PROSER3: variants seen among roughly 807,000 people sequenced by gnomAD.
The protein encoded by PROSER3 is proline and serine rich 3, also known as proline and serine-rich protein 3.
In PROSER3, 33 loss-of-function variants were observed where a neutral mutation model predicts 50.2. The ratio of observed to expected loss-of-function variants is 0.66; its 90% CI spans 0.50 to 0.88. The LOEUF (loss-of-function observed/expected upper bound fraction) is 0.88. Among genes scored for constraint, PROSER3 ranks in the 40% least tolerant of loss-of-function variants. The pLI is 0.00. For missense variants in PROSER3, 623 were observed against 612.7 expected (o/e 1.02, Z -0.18); for synonymous variants, 266 against 259.3 (o/e 1.03, Z -0.25).
intron 5 of PROSER3, among the ~76,000 whole-genome samples, chr19:35,764,529 G>A (rs1180084753): frequency 6.6e-6 from 1 of 152,138 alleles, no homozygotes; most frequent in Non-Finnish European, 1.5e-5. Flanking sequence ...GGTGGCGCAT[G>A]CCTGTAATCC....
intron 7 of PROSER3, among the ~76,000 whole-genome samples, chr19:35,766,392 A>T (rs1219414904): frequency 1.3e-5 from 2 of 152,102 alleles, no homozygotes; most frequent in African/African-American, 4.8e-5. Context: ...ACAAAAAAAT[A>T]AAAATTACCC....
At chr19:35,767,115 A>C in intron 8 of PROSER3, 1 of 969,840 alleles carries the variant, frequency 1.0e-6, no homozygotes, top group Non-Finnish European at 1.5e-6. Flanking sequence ...CTGGGGACCC[A>C]GCCTAACCAT....
At chr19:35,767,266 GCCTTGGGTATC>G (rs1386273488) in intron 8 of PROSER3, 5 of 353,036 alleles carry the variant, frequency 1.4e-5, no homozygotes, top group Non-Finnish European at 2.6e-5. Context: ...CACAGTCTGG[GCCTTGGGTATC>G]CCTTGGGGCT....
chr19:35,767,795 C>G, intron 8 of PROSER3: 1 of 1,606,668 alleles, frequency 6.2e-7, no homozygotes, highest in Non-Finnish European at 8.5e-7. Flanking sequence ...ATCCCAGTGT[C>G]GGGCCAAGGC....
At position 35,762,056 on chromosome 19, in the gene PROSER3, C is replaced by T. The variant is rs766872406; in HGVS notation, c.349C>T (p.Arg117Ter). The T allele has an allele frequency of 7.4e-6, 12 of 1,610,738 alleles. No homozygotes were observed. The highest frequency in any genetic ancestry group is 1.0e-5 in the Non-Finnish European group (12 of 1,177,558). Reference sequence around the variant, plus strand: ...GTTCCGCCAGGCTCAGCCCACCAGTCGAGAGGAGCGCCAGCCTGCAGGCCC... The same window carrying T: ...GTTCCGCCAGGCTCAGCCCACCAGTTGAGAGGAGCGCCAGCCTGCAGGCCC... The change falls in exon 4 of 11, where the codon CGA becomes TGA. Residue 117 changes from arginine (R) to a stop codon, truncating the protein, a stop_gained. Transcript: ENST00000396908. LOFTEE classifies it high-confidence loss of function.
At chr19:35,759,219 C>T in intron 1 of PROSER3, 155 bp from the exon 2 acceptor site, 3 of 655,968 alleles carry the variant, frequency 4.6e-6, no homozygotes, top group South Asian at 1.9e-5. Context: ...CTTCCACTGT[C>T]GATATCCTGA....
chr19:35,759,543 CAT>C lies in PROSER3; in HGVS notation c.108+74_108+75del, dbSNP rs1025649019. On this transcript the variant is annotated intron_variant, in intron 2 of 10. Transcript: ENST00000396908. The stretch of plus-strand genomic sequence containing the variant: ...GAATGACCTTTAGAGGGTAGGAAGA[CAT>C]GTGATGAGAGATAGGGATGAGAGAT... The C allele has an allele frequency of 5.1e-6, 7 of 1,360,244 alleles. No homozygotes were observed. The Admixed American group carries it at 8.0e-5, about 16-fold the overall frequency. 84.3% of individuals were successfully genotyped at this position (1,360,244 alleles called of 1,614,324 possible). A position where few individuals can be genotyped will look rare whatever the true frequency, so the allele number is the denominator to read the frequency against.
Position 35,767,739 on chromosome 19 carries a change from T to C in PROSER3, c.958-65T>C. 4 of 1,548,264 alleles carry C rather than the reference T, an allele frequency of 2.6e-6. No homozygotes were observed. The South Asian group carries it at 3.7e-5, about 14-fold the overall frequency. On this transcript the variant is annotated intron_variant, in intron 8 of 10. Transcript: ENST00000396908. ...CCACCCAAGGCTGGATCTCCGAAAGTCCAGGCCACACAACCCCAAACCAAG... is the reference window on the plus strand; with the variant it reads ...CCACCCAAGGCTGGATCTCCGAAAGCCCAGGCCACACAACCCCAAACCAAG...
At chr19:35,760,778 C>G (rs1190342609) in intron 3 of PROSER3, among the ~76,000 whole-genome samples, 5 of 152,196 alleles carry the variant, frequency 3.3e-5, no homozygotes, top group African/African-American at 1.2e-4. Flanking sequence ...TGAGCCACTG[C>G]CAGGCCTAAA....
Position 35,768,229 on chromosome 19 carries a change from C to T in PROSER3, c.1294C>T (p.Gln432Ter), listed in dbSNP as rs767350506. The T allele has an allele frequency of 9.3e-6, 15 of 1,612,196 alleles. No homozygotes were observed. Among genetic ancestry groups the T allele is most frequent in the Non-Finnish European group, 1.3e-5 (15 of 1,179,004 alleles). Residue 432 changes from glutamine (Q) to a stop codon, truncating the protein, a stop_gained, in exon 10 of 11, where the codon CAG becomes TAG. Transcript: ENST00000396908. LOFTEE classifies it low-confidence loss of function (END_TRUNC). ...AGCCCATAGGGCAGAGCTGAGTCGG[C>T]AGAAAAGGTGACCGACCCTCCATCC...
chr19:35,765,137 A>G, exon 7 of PROSER3: 2 of 1,613,714 alleles, frequency 1.2e-6, no homozygotes, highest in Non-Finnish European at 1.7e-6. Context: ...GGAGACCTTC[A>G]TCCCTGACTC....
chr19:35,770,914 G>A (rs1176975360), downstream of PROSER3: 1 of 152,070 alleles, frequency 6.6e-6, no homozygotes, highest in African/African-American at 2.4e-5. Flanking sequence ...TTGCCATGCT[G>A]GGGAGGGGTT....
chr19:35,759,421 T>A (rs1970880228), exon 2 of PROSER3: 39 of 1,613,556 alleles, frequency 2.4e-5, no homozygotes, highest in Non-Finnish European at 3.1e-5. Flanking sequence ...GATGCGCCCC[T>A]GGGTCGAAGC....
At position 35,759,232 on chromosome 19, in the gene PROSER3, G is replaced by A. The variant is rs971310727; in HGVS notation, c.12-142G>A. ...CCCTTCCACTGTCGATATCCTGAAT[G>A]TGCAACGGTGCTTCATGGAAATGAC... On this transcript the variant is annotated intron_variant, in intron 1 of 10. Transcript: ENST00000396908. 1.7e-4 allele frequency: 115 copies of A among 695,134 alleles called. 2 individuals are homozygous for A. In the Admixed American group the frequency reaches 2.4e-3, roughly 15 times the overall value. 43.1% of individuals were successfully genotyped at this position (695,134 alleles called of 1,614,324 possible).
At chr19:35,758,365 C>A in intron 1 of PROSER3, 139 bp downstream of exon 1, 1 of 1,197,954 alleles carries the variant, frequency 8.3e-7, no homozygotes, top group South Asian at 1.7e-5. Context: ...CCAACATGCT[C>A]CACAGCCGTT....
exon 4 of PROSER3, chr19:35,762,114 A>C: frequency 1.2e-6 from 2 of 1,607,210 alleles, no homozygotes; most frequent in Non-Finnish European, 1.7e-6. Context: ...CTGCAGTCTG[A>C]CTCTCCAGAC....
exon 11 of PROSER3, chr19:35,768,689 G>A: frequency 9.9e-7 from 1 of 1,009,762 alleles, no homozygotes; most frequent in Non-Finnish European, 1.4e-6. Context: ...GCTGCCCCAT[G>A]GCTCTGCCCT....
chr19:35,759,709 T>G (rs1030504032), intron 2 of PROSER3, 80 bp from the exon 3 acceptor site: 3 of 1,340,140 alleles, frequency 2.2e-6, no homozygotes, highest in Admixed American at 4.1e-5. Flanking sequence ...GACTGAGACT[T>G]TGTGTGTGTC....
intron 8 of PROSER3, chr19:35,767,777 C>T: frequency 6.3e-7 from 1 of 1,597,202 alleles, no homozygotes. Context: ...CACTCCCCCT[C>T]CATCTGAATC....
Sources: allele counts gnomAD v4.1 joint callset (sites outside exome capture counted in the v4.1 genomes callset), GRCh38; gene constraint gnomAD v4.1.1; transcripts MANE v1.5; gene names NCBI Gene and HGNC (gene_info 2026-07-23, HGNC 2026-07-21).